Variants in SLCO3A1 observed in about 807,000 individuals in gnomAD.
SLCO3A1 encodes PGE1 transporter.
In SLCO3A1, 27 loss-of-function variants were observed where a neutral mutation model predicts 63.1. The ratio of observed to expected loss-of-function variants is 0.43; its 90% CI spans 0.32 to 0.59. The LOEUF (loss-of-function observed/expected upper bound fraction) is 0.59, where lower values mean the gene tolerates loss of function less well. Among genes scored for constraint, SLCO3A1 ranks in the 20% least tolerant of loss-of-function variants. SLCO3A1 has a pLI of 0.09. For synonymous variants in SLCO3A1, 473 were observed against 409.9 expected (o/e 1.15, Z -1.86); for missense variants, 773 against 945.8 (o/e 0.82, Z 2.40).
rs143518648 is a variant in SLCO3A1, at chr15:92,073,511, C to G, written c.647-21370C>G. Among the ~76,000 whole-genome samples, 439 of 152,298 alleles carry G rather than the reference C, an allele frequency of 2.9e-3. 2 individuals are homozygous for G. The highest frequency in any genetic ancestry group is 0.01 in the African/African-American group (417 of 41,560). On this transcript the variant is annotated intron_variant, in intron 2 of 9. Transcript: ENST00000318445. ...GGCAGAAAAGAGAGCATTCTTCAAGCCTATTCAATTCTAAGTACCAAATGA... is the reference window on the plus strand; with the variant it reads ...GGCAGAAAAGAGAGCATTCTTCAAGGCTATTCAATTCTAAGTACCAAATGA...
chr15:91,873,259 A>G (rs554366830), intron 1 of SLCO3A1, among the ~76,000 whole-genome samples: 3 of 152,320 alleles, frequency 2.0e-5, no homozygotes, highest in African/African-American at 7.2e-5. Context: ...TGTGGGTGTC[A>G]GTTTTCTCCT....
At chr15:92,128,285 C>A in intron 6 of SLCO3A1, 66 bp from the exon 7 acceptor site, 2 of 1,597,490 alleles carry the variant, frequency 1.3e-6, no homozygotes, top group Non-Finnish European at 1.7e-6. Flanking sequence ...AAAAGGCTGT[C>A]ACTGGGGGCA....
At position 91,894,857 on chromosome 15, in the gene SLCO3A1, G is replaced by A. The variant is rs1325253014; in HGVS notation, c.181-21136G>A. Among the ~76,000 whole-genome samples the A allele has an allele frequency of 6.6e-6, 1 of 152,174 alleles. No homozygotes were observed. Among genetic ancestry groups the A allele is most frequent in the Non-Finnish European group, 1.5e-5 (1 of 68,012 alleles). ...CACAGAACAGTGAAACCCCCGGAGG[G>A]ACAGGGAGTGCGTAGAAGCAGGTTG... On this transcript the variant is annotated intron_variant, in intron 1 of 9. Transcript: ENST00000318445. The surrounding 1 kb of genome is among the most constrained non-coding windows in gnomAD (Gnocchi z 4.8).
At chr15:92,071,760 TC>T (rs2047218640) in intron 2 of SLCO3A1, among the ~76,000 whole-genome samples, 2 of 152,182 alleles carry the variant, frequency 1.3e-5, no homozygotes, top group African/African-American at 4.8e-5. Flanking sequence ...GCTCTCTGCA[TC>T]CCCACCTTGA....
At chr15:91,994,997 T>G (rs12439355) in intron 2 of SLCO3A1, among the ~76,000 whole-genome samples, 32,420 of 152,104 alleles carry the variant, frequency 0.21, 4,029 homozygotes, top group East Asian at 0.33. Context: ...GGAAAAATCC[T>G]TTACATGAGC....
Position 92,120,583 on chromosome 15 carries a change from G to A in SLCO3A1, c.1128G>A (p.Leu376=). Residue 376 remains leucine, a synonymous_variant, in exon 5 of 10, where the codon CTG becomes CTA. Transcript: ENST00000318445. ...AGFAAFLGKY[L]EQQFNLTTSS... The stretch of plus-strand genomic sequence containing the variant: ...TCGCTGCCTTTTTGGGGAAGTACCT[G>A]GAGCAGCAGTTTAACCTCACCACCT... 6.2e-7 allele frequency: 1 copy of A among 1,613,952 alleles called. No individual in the cohort carries two copies. Among genetic ancestry groups the A allele is most frequent in the Non-Finnish European group, 8.5e-7 (1 of 1,179,964 alleles).
At position 91,941,766 on chromosome 15, in the gene SLCO3A1, A is replaced by C. The variant is rs566417308; in HGVS notation, c.646+25308A>C. On this transcript the variant is annotated intron_variant, in intron 2 of 9. Coordinates refer to ENST00000318445, the MANE Select transcript of SLCO3A1 (RefSeq NM_013272.4). This position sits in a 1 kb window ranked among gnomAD's most constrained non-coding sequence, Gnocchi z 4.4. ...CCTTCATGGAGCTTGTCTGTGTGCA[A>C]CTTCATCTGAGAGCGCTCAGGCTTC... is the stretch of plus-strand genomic sequence containing the variant. Among the ~76,000 whole-genome samples, 6 of 152,298 alleles carry C rather than the reference A, an allele frequency of 3.9e-5. No individual in the cohort carries two copies. Among genetic ancestry groups the C allele is most frequent in the Non-Finnish European group, 7.4e-5 (5 of 68,018 alleles).
At chr15:91,985,509 G>T (rs367845315) in intron 2 of SLCO3A1, among the ~76,000 whole-genome samples, 1 of 152,190 alleles carries the variant, frequency 6.6e-6, no homozygotes. Context: ...GAGTCATGAG[G>T]TATGTTCATT....
rs1480431517 is a variant in SLCO3A1, at chr15:92,086,942, C to T, written c.647-7939C>T. 5.3e-5 allele frequency among the ~76,000 whole-genome samples: 8 copies of T among 149,702 alleles called. No homozygotes were observed. In the South Asian group the frequency reaches 6.4e-4, roughly 12 times the overall value. On this transcript the variant is annotated intron_variant, in intron 2 of 9. Transcript: ENST00000318445. ...AGGTTCCAGTGAGCTGAGATCAAGT[C>T]ACTTCACTCTAACCGGGGTGAAAAA...
chr15:91,940,695 C>G (rs115965409), intron 2 of SLCO3A1, among the ~76,000 whole-genome samples: 279 of 152,252 alleles, frequency 1.8e-3, no homozygotes, highest in African/African-American at 6.6e-3. Flanking sequence ...TGTGTTTGTA[C>G]CAGTGTGCCT....
intron 2 of SLCO3A1, among the ~76,000 whole-genome samples, chr15:92,039,284 A>G (rs1384614643): frequency 6.6e-6 from 1 of 152,178 alleles, no homozygotes; most frequent in African/African-American, 2.4e-5. Flanking sequence ...ATCACAGTAA[A>G]CAGGGAGACT....
chr15:92,079,254 A>T (rs2047314288), intron 2 of SLCO3A1, among the ~76,000 whole-genome samples: 1 of 152,170 alleles, frequency 6.6e-6, no homozygotes, highest in African/African-American at 2.4e-5. Flanking sequence ...CACAGCTTCC[A>T]AGTACCCTCT....
intron 1 of SLCO3A1, among the ~76,000 whole-genome samples, chr15:91,896,457 A>T (rs1863447399): frequency 6.6e-6 from 1 of 152,204 alleles, no homozygotes; most frequent in Admixed American, 6.5e-5. Flanking sequence ...CTCATCTTGA[A>T]TTGTAGCTCC....
At chr15:91,926,790 CG>C (rs1468591857) in intron 2 of SLCO3A1, among the ~76,000 whole-genome samples, 1 of 151,990 alleles carries the variant, frequency 6.6e-6, no homozygotes, top group African/African-American at 2.4e-5. Context: ...ATGTGCCTTG[CG>C]GGAGTCGGGG....
At chr15:92,099,658 C>T (rs1298085795) in intron 3 of SLCO3A1, among the ~76,000 whole-genome samples, 1 of 152,102 alleles carries the variant, frequency 6.6e-6, no homozygotes, top group Non-Finnish European at 1.5e-5. Context: ...GTTCAGTTAA[C>T]CTTTGACAGA....
At chr15:92,125,077 G>A (rs185223588) in intron 5 of SLCO3A1, among the ~76,000 whole-genome samples, 1 of 152,274 alleles carries the variant, frequency 6.6e-6, no homozygotes, top group Non-Finnish European at 1.5e-5. Context: ...GACTTGTGCT[G>A]TTTTCTTGCA....
intron 2 of SLCO3A1, among the ~76,000 whole-genome samples, chr15:91,930,469 T>G (rs1409351329): frequency 6.6e-6 from 1 of 152,180 alleles, no homozygotes; most frequent in African/African-American, 2.4e-5. Context: ...ACATGCCCAA[T>G]GAGTAATAAC....
intron 2 of SLCO3A1, among the ~76,000 whole-genome samples, chr15:92,017,844 G>A (rs116554693): frequency 0.012 from 1,770 of 152,232 alleles, 46 homozygotes; most frequent in African/African-American, 0.041. Context: ...CAGGGTGGAG[G>A]CTTGGAGACA....
intron 7 of SLCO3A1, among the ~76,000 whole-genome samples, chr15:92,130,709 C>T (rs2047982220): frequency 6.6e-6 from 1 of 152,034 alleles, no homozygotes; most frequent in Admixed American, 6.6e-5. Flanking sequence ...GGCAGCTTGG[C>T]CCAGAGTCAG....
Sources: gnomAD v4.1 joint callset for allele counts (sites outside exome capture counted in the v4.1 genomes callset) on GRCh38, gnomAD v4.1.1 for gene constraint, Gnocchi (gnomAD v3.1) non-coding constraint, MANE v1.5 for transcripts, NCBI Gene and HGNC (gene_info 2026-07-23, HGNC 2026-07-21) for gene names.